The following PDE8B variants were observed in gnomAD, a reference collection of about 807,000 sequenced individuals.
PDE8B encodes the protein phosphodiesterase 8B.
PDE8B carries 26 observed loss-of-function variants against 101.3 expected under a neutral mutation model. The observed-to-expected ratio is 0.26, with a 90% CI of 0.19 to 0.36. The LOEUF (loss-of-function observed/expected upper bound fraction) is 0.36, where lower values mean the gene tolerates loss of function less well. PDE8B is among the 10% of genes least tolerant of loss of function. The pLI is 1.00. For synonymous variants in PDE8B, 424 were observed against 429.3 expected (o/e 0.99, Z 0.15); for missense variants, 810 against 1,163.1 (o/e 0.70, Z 4.42).
chr5:77,195,644 T>A, the PDE8B span, among the ~76,000 whole-genome samples: 1 of 152,180 alleles, frequency 6.6e-6, no homozygotes, highest in South Asian at 2.1e-4. Context: ...ACCAATAGCC[T>A]ATTGTTGACC....
At chr5:77,423,306 G>A (rs1797085728) in intron 20 of PDE8B, among the ~76,000 whole-genome samples, 1 of 152,118 alleles carries the variant, frequency 6.6e-6, no homozygotes, top group Non-Finnish European at 1.5e-5. Context: ...ACCATGAATT[G>A]TGCTGTCATA....
the PDE8B span, among the ~76,000 whole-genome samples, chr5:77,131,762 G>T: frequency 6.6e-6 from 1 of 152,166 alleles, no homozygotes. Context: ...AGGAGTTGAA[G>T]TGATCTTAAC....
chr5:77,374,409 CTG>C (rs1383710689), intron 10 of PDE8B, among the ~76,000 whole-genome samples: 1 of 151,876 alleles, frequency 6.6e-6, no homozygotes, highest in Non-Finnish European at 1.5e-5. Context: ...ATTTTAACAT[CTG>C]TTTTTTTTGT....
At chr5:77,377,822 A>C (rs1303502025) in intron 10 of PDE8B, among the ~76,000 whole-genome samples, 1 of 152,128 alleles carries the variant, frequency 6.6e-6, no homozygotes, top group African/African-American at 2.4e-5. Flanking sequence ...TGGGACGTTC[A>C]TCATCTCCTT....
At chr5:77,375,887 TTC>T (rs1785991309) in intron 10 of PDE8B, among the ~76,000 whole-genome samples, 1 of 136,328 alleles carries the variant, frequency 7.3e-6, no homozygotes, top group Admixed American at 7.4e-5. Flanking sequence ...GTGCCTTGAT[TTC>T]TTTTTTTTTT....
At chr5:77,419,069 T>C (rs531419715) in intron 18 of PDE8B, among the ~76,000 whole-genome samples, 126 of 152,320 alleles carry the variant, frequency 8.3e-4, no homozygotes, top group African/African-American at 3.0e-3. Flanking sequence ...ACCTATTGGT[T>C]TGGTCTCCAG....
the PDE8B span, chr5:77,165,241 A>G: frequency 1.3e-5 from 2 of 152,358 alleles, no homozygotes. Flanking sequence ...ATGGGGTTTA[A>G]GTATTGATTA....
At chr5:77,353,458 TCTGTTCTCTGCTTATCTCACCA>T (rs760536612) in intron 10 of PDE8B, 52 bp downstream of exon 10, 4 of 972,612 alleles carry the variant, frequency 4.1e-6, no homozygotes, top group South Asian at 1.3e-5. Flanking sequence ...ATGCGTCACC[TCTGTTCTCTGCTTATCTCACCA>T]CTGTTCTCTG....
intron 10 of PDE8B, among the ~76,000 whole-genome samples, chr5:77,372,480 A>G (rs915870764): frequency 2.6e-5 from 4 of 152,186 alleles, no homozygotes; most frequent in African/African-American, 9.7e-5. Context: ...TTTCCGAACA[A>G]GTTTATATAA....
chr5:77,093,234 G>T, the PDE8B span, among the ~76,000 whole-genome samples: 1 of 152,062 alleles, frequency 6.6e-6, no homozygotes, highest in Non-Finnish European at 1.5e-5. Flanking sequence ...ATGCATAGGT[G>T]GTTGATTACT....
upstream of PDE8B, among the ~76,000 whole-genome samples, chr5:77,208,510 A>G (rs1747687987): frequency 6.6e-6 from 1 of 152,180 alleles, no homozygotes; most frequent in Admixed American, 6.5e-5. Context: ...CAGGTCCTAA[A>G]TTGTCCTTTG....
upstream of PDE8B, among the ~76,000 whole-genome samples, chr5:77,205,596 A>G (rs1355587696): frequency 1.3e-5 from 2 of 152,240 alleles, no homozygotes; most frequent in African/African-American, 4.8e-5. Context: ...ATGGAAATCC[A>G]TAAAAGGAAA....
Position 77,400,252 on chromosome 5 carries a change from A to G in PDE8B, c.1172A>G (p.His391Arg). Residue 391 changes from histidine (H) to arginine (R), a missense_variant, in exon 11 of 22, where the codon CAC (histidine) becomes CGC (arginine). His to Arg is a conservative substitution (Grantham distance 29, BLOSUM62 0). Transcript: ENST00000264917. ...CCTTDNNKQI[H>R]KIHRDSGDNS... ...CAAACTTTTGAACGACTTTAGATTC[A>G]CAAGATTCATCGTGATTCAGGAGAC... is the stretch of plus-strand genomic sequence containing the variant. 1.9e-6 allele frequency: 3 copies of G among 1,600,442 alleles called. No homozygotes were observed. Among genetic ancestry groups the G allele is most frequent in the Non-Finnish European group, 1.7e-6 (2 of 1,167,588 alleles).
intron 7 of PDE8B, 144 bp from the exon 8 acceptor site, chr5:77,349,275 A>G: frequency 9.6e-7 from 1 of 1,041,484 alleles, no homozygotes; most frequent in Non-Finnish European, 1.5e-6. Context: ...CTGGCCAGCT[A>G]ACTGCATTAG....
intron 6 of PDE8B, among the ~76,000 whole-genome samples, chr5:77,343,286 G>A (rs987636404): frequency 6.6e-6 from 1 of 152,130 alleles, no homozygotes; most frequent in African/African-American, 2.4e-5. Context: ...GAAATGTGTC[G>A]TTGGATGATT....
At chr5:77,165,063 C>T in the PDE8B span, among the ~76,000 whole-genome samples, 1 of 152,160 alleles carries the variant, frequency 6.6e-6, no homozygotes, top group African/African-American at 2.4e-5. Context: ...GGTGTAAATG[C>T]TCCCACCATG....
intron 10 of PDE8B, among the ~76,000 whole-genome samples, chr5:77,392,706 T>C (rs1790185951): frequency 6.6e-6 from 1 of 152,150 alleles, no homozygotes; most frequent in Non-Finnish European, 1.5e-5. Flanking sequence ...TAAAATCTCA[T>C]GCACTCTTCC....
chr5:77,131,859 C>G, the PDE8B span, among the ~76,000 whole-genome samples: 30 of 152,172 alleles, frequency 2.0e-4, no homozygotes, highest in African/African-American at 7.0e-4. Flanking sequence ...AGAAAGGGGT[C>G]CATTCAACAA....
At chr5:77,137,108 T>C in the PDE8B span, among the ~76,000 whole-genome samples, 1 of 152,218 alleles carries the variant, frequency 6.6e-6, no homozygotes, top group Non-Finnish European at 1.5e-5. Context: ...TCTAGTTGCT[T>C]TTTGTCATCA....
Sources: gnomAD v4.1 joint callset for allele counts (sites outside exome capture counted in the v4.1 genomes callset) on GRCh38, gnomAD v4.1.1 for gene constraint, MANE v1.5 for transcripts, NCBI Gene and HGNC (gene_info 2026-07-23, HGNC 2026-07-21) for gene names.